Variants in ZNF273 observed in about 807,000 individuals in gnomAD.
ZNF273 encodes zinc finger protein 9.
A neutral mutation model predicts 14.9 loss-of-function variants in ZNF273; 11 were observed. The observed-to-expected ratio is 0.74, with a 90% CI of 0.46 to 1.22. ZNF273 has a LOEUF of 1.22. Ranked by LOEUF, ZNF273 falls within the 50% of genes most tolerant of loss-of-function variation. The pLI, the probability that ZNF273 is intolerant of heterozygous loss-of-function variation, is 0.00. For synonymous variants in ZNF273, 199 were observed against 223.9 expected (o/e 0.89, Z 0.99); for missense variants, 577 against 660.6 (o/e 0.87, Z 1.39).
intron 1 of ZNF273, among the ~76,000 whole-genome samples, chr7:64,909,807 C>CTT (rs145476800): frequency 6.8e-6 from 1 of 146,768 alleles, no homozygotes; most frequent in African/African-American, 2.5e-5. Flanking sequence ...TATAAGTATT[C>CTT]TTTTTTTTTT....
intron 1 of ZNF273, among the ~76,000 whole-genome samples, chr7:64,885,531 T>C (rs997104600): frequency 5.9e-5 from 9 of 152,152 alleles, no homozygotes; most frequent in African/African-American, 2.2e-4. Context: ...AATTGCAGAG[T>C]CTCATGAATC....
chr7:64,899,894 G>A (rs917250677), upstream of ZNF273, among the ~76,000 whole-genome samples: 1 of 151,334 alleles, frequency 6.6e-6, no homozygotes, highest in Non-Finnish European at 1.5e-5. Context: ...CTAAGTAGCT[G>A]GGATTACAGG....
chr7:64,935,867 A>G (rs1362937641), downstream of ZNF273, among the ~76,000 whole-genome samples: 1 of 152,082 alleles, frequency 6.6e-6, no homozygotes, highest in East Asian at 1.9e-4. Context: ...AACAGTTAAA[A>G]CATTTGAAAT....
At chr7:64,915,898 A>C (rs989636933) in intron 1 of ZNF273, among the ~76,000 whole-genome samples, 1 of 152,202 alleles carries the variant, frequency 6.6e-6, no homozygotes, top group African/African-American at 2.4e-5. Flanking sequence ...GTTCTAAAAA[A>C]TAATTACTCA....
chr7:64,888,843 C>G, exon 2 of ZNF273: 4 of 985,896 alleles, frequency 4.1e-6, no homozygotes, highest in Non-Finnish European at 4.8e-6. Flanking sequence ...CGTCTGAACA[C>G]AAAGTTGCTC....
downstream of ZNF273, among the ~76,000 whole-genome samples, chr7:64,935,630 C>T (rs190432559): frequency 6.6e-6 from 1 of 152,248 alleles, no homozygotes; most frequent in Admixed American, 6.5e-5. Context: ...GCAAGCTATT[C>T]TCCTGCCTCA....
chr7:64,883,438 G>A (rs4718156), downstream of ZNF273, among the ~76,000 whole-genome samples: 68,381 of 151,870 alleles, frequency 0.45, 15,698 homozygotes, highest in Admixed American at 0.51. Flanking sequence ...ATTTCATTCC[G>A]GTAATGGATA....
chr7:64,883,708 G>T (rs116179852), downstream of ZNF273, among the ~76,000 whole-genome samples: 1 of 152,264 alleles, frequency 6.6e-6, no homozygotes. Context: ...TGTCATTCCC[G>T]GAGCCACATG....
At chr7:64,890,583 C>T (rs1054394730), downstream of ZNF273, among the ~76,000 whole-genome samples, 11 of 152,196 alleles carry the variant, frequency 7.2e-5, no homozygotes, top group African/African-American at 2.7e-4. Flanking sequence ...AAGCCACTGT[C>T]TCAGAGTCAC....
chr7:64,886,365 G>A (rs1562948008), intron 1 of ZNF273, among the ~76,000 whole-genome samples: 1 of 152,226 alleles, frequency 6.6e-6, no homozygotes, highest in African/African-American at 2.4e-5. Flanking sequence ...GAGCTGGACA[G>A]AATGTAGGCA....
intron 1 of ZNF273, among the ~76,000 whole-genome samples, chr7:64,911,557 C>T (rs1197659535): frequency 6.6e-6 from 1 of 152,148 alleles, no homozygotes; most frequent in East Asian, 1.9e-4. Context: ...GCCACTGTGC[C>T]TGGCCAAGTT....
downstream of ZNF273, chr7:64,933,476 A>T (rs141359410): frequency 6.6e-6 from 1 of 152,312 alleles, no homozygotes; most frequent in East Asian, 1.9e-4. Context: ...TGGGACCATA[A>T]GCAACACCTG....
downstream of ZNF273, among the ~76,000 whole-genome samples, chr7:64,931,590 C>T (rs1405009): frequency 0.071 from 10,782 of 151,992 alleles, 511 homozygotes; most frequent in African/African-American, 0.13. Flanking sequence ...CTATGTAAGC[C>T]GACTTTTTTA....
chr7:64,878,603 C>T (rs1228233160), intron 2 of ZNF273: 1 of 152,248 alleles, frequency 6.6e-6, no homozygotes, highest in African/African-American at 2.4e-5. Flanking sequence ...CCTGCATTCC[C>T]TTCATTGCAG....
downstream of ZNF273, among the ~76,000 whole-genome samples, chr7:64,931,685 C>G (rs1400691236): frequency 6.6e-6 from 1 of 152,014 alleles, no homozygotes; most frequent in Non-Finnish European, 1.5e-5. Flanking sequence ...ACTAGGGAGG[C>G]TTCCTGAGTC....
chr7:64,889,861 G>A, downstream of ZNF273: 1 of 719,148 alleles, frequency 1.4e-6, no homozygotes, highest in Non-Finnish European at 1.7e-6. This position sits in a 1 kb window ranked among gnomAD's most constrained non-coding sequence, Gnocchi z 4.2. Flanking sequence ...GTCGCCTGCT[G>A]CCTCTATGTC....
At chr7:64,899,907 T>C (rs1298661716), upstream of ZNF273, among the ~76,000 whole-genome samples, 1 of 151,376 alleles carries the variant, frequency 6.6e-6, no homozygotes, top group Non-Finnish European at 1.5e-5. Context: ...ATTACAGGCA[T>C]GCGCCACCAA....
chr7:64,921,688 C>T (rs1355168583), intron 3 of ZNF273, among the ~76,000 whole-genome samples: 1 of 125,928 alleles, frequency 7.9e-6, no homozygotes, highest in African/African-American at 3.0e-5. Context: ...TACAATGGCA[C>T]GATCTCGGCT....
chr7:64,894,282 G>C (rs762729084), downstream of ZNF273, among the ~76,000 whole-genome samples: 2 of 151,672 alleles, frequency 1.3e-5, no homozygotes, highest in Non-Finnish European at 2.9e-5. Context: ...CGGGATTACG[G>C]GCATGAGCCT....
Sources: gnomAD v4.1 joint callset for allele counts (sites outside exome capture counted in the v4.1 genomes callset) on GRCh38, gnomAD v4.1.1 for gene constraint, Gnocchi (gnomAD v3.1) non-coding constraint, MANE v1.5 for transcripts, NCBI Gene and HGNC (gene_info 2026-07-23, HGNC 2026-07-21) for gene names.